ACAD11: variants seen among roughly 807,000 people sequenced by gnomAD.
The protein encoded by ACAD11 is acyl-Coenzyme A dehydrogenase family, member 11.
A neutral mutation model predicts 102.2 loss-of-function variants in ACAD11; 83 were observed. The ratio of observed to expected loss-of-function variants is 0.81; its 90% CI spans 0.68 to 0.97. ACAD11 has a LOEUF of 0.97. Among genes scored for constraint, ACAD11 ranks in the 50% least tolerant of loss-of-function variants. The pLI, the probability that ACAD11 is intolerant of heterozygous loss-of-function variation, is 0.00. For synonymous variants in ACAD11, 324 were observed against 319.8 expected (o/e 1.01, Z -0.14); for missense variants, 901 against 951.7 (o/e 0.95, Z 0.70).
At chr3:132,615,887 C>A (rs1215287111) in intron 11 of ACAD11, among the ~76,000 whole-genome samples, 1 of 152,056 alleles carries the variant, frequency 6.6e-6, no homozygotes, top group Non-Finnish European at 1.5e-5. Context: ...TTCAACATTC[C>A]AATATACAAT....
rs1301241053 is a variant in ACAD11, at chr3:132,598,608, G to A, written c.1621+4621C>T. Among the ~76,000 whole-genome samples, 3 of 152,348 alleles carry A rather than the reference G, an allele frequency of 2.0e-5. No individual in the cohort carries two copies. In the East Asian group the frequency reaches 5.8e-4, roughly 29 times the overall value. ...TGCTAATACATCAGGAAAGTCTTCT[G>A]GGGAGGTCGCATCCGCGTTTATTGA... is the stretch of plus-strand genomic sequence containing the variant. On this transcript the variant is annotated intron_variant, in intron 13 of 19. Coordinates refer to ENST00000264990, the MANE Select transcript of ACAD11 (RefSeq NM_032169.5).
chr3:132,636,302 A>G (rs1940273694), intron 5 of ACAD11, among the ~76,000 whole-genome samples: 1 of 152,170 alleles, frequency 6.6e-6, no homozygotes, highest in Non-Finnish European at 1.5e-5. Context: ...TTATTAGTAA[A>G]ATTATTTTTG....
intron 12 of ACAD11, chr3:132,604,894 A>G (rs1482460424): frequency 9.2e-6 from 4 of 435,600 alleles, no homozygotes; most frequent in Non-Finnish European, 1.7e-5. Context: ...ATCATCTGAT[A>G]TTCTAACAAA....
At chr3:132,605,713 C>T (rs1938808257) in intron 11 of ACAD11, among the ~76,000 whole-genome samples, 1 of 152,196 alleles carries the variant, frequency 6.6e-6, no homozygotes, top group South Asian at 2.1e-4. Flanking sequence ...CTGTCCTTCA[C>T]AAGTAAATTC....
In ACAD11 at chr3:132,586,707, A is replaced by C. The variant is rs143859493; in HGVS notation, c.1622-7149T>G. On this transcript the variant is annotated intron_variant, in intron 13 of 19. Coordinates refer to ENST00000264990, the MANE Select transcript of ACAD11 (RefSeq NM_032169.5). Reference sequence around the variant, plus strand: ...ATAAGAAACTATTATACTGAAAATAAATTTTCACTAAAAGAAAAATACAAG... The same window carrying C: ...ATAAGAAACTATTATACTGAAAATACATTTTCACTAAAAGAAAAATACAAG... 9.0e-3 allele frequency among the ~76,000 whole-genome samples: 1,369 copies of C among 152,316 alleles called. 26 individuals carry two copies. The highest frequency in any genetic ancestry group is 0.032 in the African/African-American group (1,310 of 41,562).
intron 8 of ACAD11, chr3:132,627,097 G>A (rs1034605229): frequency 1.2e-5 from 3 of 242,290 alleles, no homozygotes; most frequent in Non-Finnish European, 2.4e-5. Context: ...AGGAGGCACA[G>A]GGTCTTGTCT....
intron 11 of ACAD11, among the ~76,000 whole-genome samples, chr3:132,609,964 C>G (rs1276836733): frequency 1.3e-5 from 2 of 152,186 alleles, no homozygotes; most frequent in African/African-American, 4.8e-5. Flanking sequence ...GGATGCAAGG[C>G]TGGTTCAACA....
intron 13 of ACAD11, among the ~76,000 whole-genome samples, chr3:132,588,853 ATTTACAGAAATATGTCC>A (rs1297864412): frequency 6.6e-6 from 1 of 152,160 alleles, no homozygotes; most frequent in Non-Finnish European, 1.5e-5. Context: ...CATTGTTTAT[ATTTACAGAAATATGTCC>A]TTTTGATTTT....
rs199597510 is a variant in ACAD11, at chr3:132,641,698, GGAAGAA to G, written c.537+268_537+273del. On this transcript the variant is annotated intron_variant, in intron 4 of 19. Coordinates refer to ENST00000264990, the MANE Select transcript of ACAD11 (RefSeq NM_032169.5). ...AGGAAGAGGAAGAGGAAGAGGAAGA[GGAAGAA>G]GAAGAAGAAGAAGAAGAAGAAGAAG... Among the ~76,000 whole-genome samples the G allele has an allele frequency of 5.7e-3, 659 of 116,624 alleles. 7 individuals are homozygous for G. The highest frequency in any genetic ancestry group is 0.03 in the South Asian group (104 of 3,510). The allele number at this position is 116,624 out of a possible 152,430, so 76.5% of individuals were successfully genotyped here. A position where few individuals can be genotyped will look rare whatever the true frequency, so the allele number is the denominator to read the frequency against.
chr3:132,596,774 T>G (rs954645899), intron 13 of ACAD11, among the ~76,000 whole-genome samples: 1 of 152,204 alleles, frequency 6.6e-6, no homozygotes, highest in Non-Finnish European at 1.5e-5. Flanking sequence ...CCAGGAAGAC[T>G]CTAGTAGTTT....
intron 13 of ACAD11, among the ~76,000 whole-genome samples, chr3:132,588,349 G>A (rs1937937325): frequency 6.6e-6 from 1 of 151,964 alleles, no homozygotes; most frequent in Non-Finnish European, 1.5e-5. Flanking sequence ...CAAAAATCAG[G>A]TCTTCACTTA....
chr3:132,640,395 C>A (rs1214137040), intron 4 of ACAD11, among the ~76,000 whole-genome samples: 1 of 152,122 alleles, frequency 6.6e-6, no homozygotes, highest in Non-Finnish European at 1.5e-5. Context: ...GCCTACTTTT[C>A]ATTTTAATAC....
Position 132,558,841 on chromosome 3 carries a change from A to C in ACAD11, c.*130T>G, listed in dbSNP as rs906853126. 2 of 671,042 alleles carry C rather than the reference A, an allele frequency of 3.0e-6. No individual in the cohort carries two copies. The highest frequency in any genetic ancestry group is 5.1e-6 in the Non-Finnish European group (2 of 390,602). 41.6% of individuals were successfully genotyped at this position (671,042 alleles called of 1,614,324 possible). A position where few individuals can be genotyped will look rare whatever the true frequency, so the allele number is the denominator to read the frequency against. On this transcript the variant is annotated 3_prime_UTR_variant, in exon 20 of 20. Transcript: ENST00000264990. The stretch of plus-strand genomic sequence containing the variant: ...CCCACTGATCAAAATAGATGCTATA[A>C]TCTTTACCACAAATGAATAATTAAC...
At chr3:132,631,596 G>T in intron 5 of ACAD11, 117 bp from the exon 6 acceptor site, 1 of 796,398 alleles carries the variant, frequency 1.3e-6, no homozygotes, top group Middle Eastern at 3.0e-4. Context: ...TCAATTTCAG[G>T]TCTTTACCCA....
intron 11 of ACAD11, 72 bp downstream of exon 11, chr3:132,618,562 T>G (rs1181659639): frequency 6.1e-6 from 8 of 1,310,732 alleles, no homozygotes; most frequent in Non-Finnish European, 8.0e-6. Context: ...AAACACATTC[T>G]TATCATATAT....
At chr3:132,581,439 C>T (rs1461270568) in intron 13 of ACAD11, among the ~76,000 whole-genome samples, 1 of 151,842 alleles carries the variant, frequency 6.6e-6, no homozygotes, top group Admixed American at 6.6e-5. Flanking sequence ...AAAGTATTAT[C>T]TGAAAATCCC....
chr3:132,614,198 T>TC (rs767941461), intron 11 of ACAD11, among the ~76,000 whole-genome samples: 7 of 152,026 alleles, frequency 4.6e-5, no homozygotes, highest in Non-Finnish European at 8.8e-5. Context: ...GGAAAAACAT[T>TC]CCATGCTCAT....
chr3:132,645,004 A>C (rs1484617010), intron 1 of ACAD11, 108 bp from the exon 2 acceptor site: 3 of 644,808 alleles, frequency 4.7e-6, no homozygotes, highest in Non-Finnish European at 7.7e-6. Context: ...ATTCATCTCA[A>C]TGCTGGAAAA....
At chr3:132,645,006 G>T in intron 1 of ACAD11, 110 bp from the exon 2 acceptor site, 1 of 646,674 alleles carries the variant, frequency 1.5e-6, no homozygotes. Context: ...TCATCTCAAT[G>T]CTGGAAAATC....
Sources: gnomAD v4.1 joint callset for allele counts (sites outside exome capture counted in the v4.1 genomes callset) on GRCh38, gnomAD v4.1.1 for gene constraint, MANE v1.5 for transcripts, NCBI Gene and HGNC (gene_info 2026-07-23, HGNC 2026-07-21) for gene names.